The following TEX15 variants were observed in gnomAD, a reference collection of about 807,000 sequenced individuals.
TEX15 encodes the protein testis expressed 15, meiosis and synapsis associated, also known as testis-expressed protein 15.
Under a neutral mutation model 237.3 loss-of-function variants are expected in TEX15, and 171 were observed. That is an observed-to-expected ratio of 0.72 (90% CI 0.64 to 0.82). The LOEUF is 0.82. TEX15 is among the 40% of genes least tolerant of loss of function. The probability of loss-of-function intolerance (pLI) is 0.00; values close to 1 mark genes in which losing one functional copy is unlikely to be tolerated. For missense variants in TEX15, 3,750 were observed against 3,646.5 expected, an observed-to-expected ratio of 1.03 and a Z score of -0.73; for synonymous variants, 1,338 against 1,269.8, an observed-to-expected ratio of 1.05 and a Z score of -1.14.
At position 30,891,639 on chromosome 8, in the gene TEX15, C is replaced by T. The variant is rs1304775239; in HGVS notation, c.-9-4328G>A. ...GGACTACAGGCATGTGCCACCACGCCTGGCTAATTTTTGTAGAGATGAGGG... is the reference window on the plus strand; with the variant it reads ...GGACTACAGGCATGTGCCACCACGCTTGGCTAATTTTTGTAGAGATGAGGG... On this transcript the variant is annotated intron_variant, in intron 2 of 10. Coordinates refer to ENST00000643185, the MANE Select transcript of TEX15 (RefSeq NM_001350162.2). 3.9e-5 allele frequency among the ~76,000 whole-genome samples: 6 copies of T among 151,980 alleles called. 1 individual carries two copies. Among genetic ancestry groups the T allele is most frequent in the African/African-American group, 1.4e-4 (6 of 41,390 alleles).
At chr8:30,868,042 C>T (rs1178793267) in intron 4 of TEX15, among the ~76,000 whole-genome samples, 3 of 151,948 alleles carry the variant, frequency 2.0e-5, no homozygotes, top group African/African-American at 2.4e-5. Flanking sequence ...CGTATCTCTA[C>T]ACATCTATAG....
chr8:30,849,949 C>CGG (rs1477259613), intron 7 of TEX15, among the ~76,000 whole-genome samples: 1 of 152,032 alleles, frequency 6.6e-6, no homozygotes, highest in East Asian at 1.9e-4. Context: ...GGAATAAAAA[C>CGG]ATTTTCCCAA....
Position 30,831,891 on chromosome 8 carries a change from G to A in TEX15, c.*1395C>T, listed in dbSNP as rs1323685291. Reference sequence around the variant, plus strand: ...AGTTAATATTACTGCTTTCAAAGTTGTTCAGGAGTTCTGATTTTGACAGAC... The same window carrying A: ...AGTTAATATTACTGCTTTCAAAGTTATTCAGGAGTTCTGATTTTGACAGAC... On this transcript the variant is annotated 3_prime_UTR_variant, in exon 11 of 11. Coordinates refer to ENST00000643185, the MANE Select transcript of TEX15 (RefSeq NM_001350162.2). The A allele has an allele frequency of 6.6e-6, 1 of 152,194 alleles. No homozygotes were observed. The highest frequency in any genetic ancestry group is 2.4e-5 in the African/African-American group (1 of 41,454). 9.4% of individuals were successfully genotyped at this position (152,194 alleles called of 1,614,324 possible).
chr8:30,867,001 A>C (rs921456769), intron 5 of TEX15, among the ~76,000 whole-genome samples: 3 of 151,844 alleles, frequency 2.0e-5, no homozygotes, highest in Non-Finnish European at 4.4e-5. Context: ...AGGTGGGTAA[A>C]TCAGAACAAA....
At position 30,847,573 on chromosome 8, in the gene TEX15, T is replaced by C. The variant is rs1157976612; in HGVS notation, c.2594A>G (p.Asn865Ser). The change falls in exon 8 of 11, where the codon AAT (asparagine) becomes AGT (serine). Residue 865 changes from asparagine to serine, a missense_variant. Asn to Ser is a conservative substitution (Grantham distance 46, BLOSUM62 1). Transcript: ENST00000643185. ...FKKQTDRENQ[N>S]EAKENSASCV... ...TGAAGCACTATTCTCTTTAGCCTCA[T>C]TTTGGTTTTCTCTATCTGTTTGTTT... 15 of 1,612,756 alleles carry C rather than the reference T, an allele frequency of 9.3e-6. No homozygotes were observed. The highest frequency in any genetic ancestry group is 1.3e-5 in the Non-Finnish European group (15 of 1,179,812).
chr8:30,905,897 C>G (rs1413268309), intron 1 of TEX15, among the ~76,000 whole-genome samples: 1 of 152,032 alleles, frequency 6.6e-6, no homozygotes, highest in Non-Finnish European at 1.5e-5. Context: ...GAGTGACACC[C>G]TGTCTCAAAA....
At position 30,846,448 on chromosome 8, in the gene TEX15, G is replaced by T; in HGVS notation, c.3719C>A (p.Ser1240Tyr). The change falls in exon 8 of 11, where the codon TCT (serine) becomes TAT (tyrosine). Residue 1240 changes from serine to tyrosine, a missense_variant. Coordinates refer to ENST00000643185, the MANE Select transcript of TEX15 (RefSeq NM_001350162.2). The stretch of plus-strand genomic sequence containing the variant: ...ATCTGTATTACGACTCAAGTCAAAA[G>T]AAAGGGAGATTTCAGAGTTACTCAC... Reference protein sequence around the residue: ...GPVSNSEISLSFDLSRNTDVN... With the variant: ...GPVSNSEISLYFDLSRNTDVN... 6.2e-7 allele frequency: 1 copy of T among 1,613,232 alleles called. No homozygotes were observed. Among genetic ancestry groups the T allele is most frequent in the Non-Finnish European group, 8.5e-7 (1 of 1,179,664 alleles).
chr8:30,852,234 T>C (rs1400938918), intron 7 of TEX15, among the ~76,000 whole-genome samples: 1 of 148,810 alleles, frequency 6.7e-6, no homozygotes, highest in Non-Finnish European at 1.5e-5. Context: ...CCTCTCCGAG[T>C]AGCTGGGACT....
In TEX15 at chr8:30,889,848, CTTTATA is replaced by C. The variant is rs1047428119; in HGVS notation, c.-9-2543_-9-2538del. Among the ~76,000 whole-genome samples the C allele has an allele frequency of 7.4e-5, 11 of 149,594 alleles. 1 individual carries two copies. The highest frequency in any genetic ancestry group is 2.5e-4 in the African/African-American group (10 of 40,732). ...TGCTCATGCAACACAGACCTATAAC[CTTTATA>C]TTTATATGTTACATATTACAAATTA... On this transcript the variant is annotated intron_variant, in intron 2 of 10. Transcript: ENST00000643185.
intron 9 of TEX15, among the ~76,000 whole-genome samples, chr8:30,839,057 C>T (rs1807385262): frequency 6.6e-6 from 1 of 151,944 alleles, no homozygotes; most frequent in African/African-American, 2.4e-5. Flanking sequence ...CTCAGGTGAT[C>T]CGCCCGCCTT....
intron 1 of TEX15, among the ~76,000 whole-genome samples, chr8:30,906,799 C>T (rs916210058): frequency 6.6e-6 from 1 of 152,062 alleles, no homozygotes; most frequent in East Asian, 1.9e-4. Flanking sequence ...TCCCATTTTA[C>T]GTATGAAAAT....
rs940250393 is a variant in TEX15, at chr8:30,845,695, C to A, written c.4472G>T (p.Ser1491Ile). 1 of 1,613,546 alleles carries A rather than the reference C, an allele frequency of 6.2e-7. No individual in the cohort carries two copies. Residue 1491 changes from serine (S) to isoleucine (I), a missense_variant, in exon 8 of 11, where the codon AGT (serine) becomes ATT (isoleucine). Coordinates refer to ENST00000643185, the MANE Select transcript of TEX15 (RefSeq NM_001350162.2). ...SGEKKCLSRKSMASSVSKSHP... is the reference protein window; with the variant it reads ...SGEKKCLSRKIMASSVSKSHP... ...ACTTTTTGAGACACTGCTAGCCATA[C>A]TTTTCCTAGAAAGGCATTTTTTCTC... is the stretch of plus-strand genomic sequence containing the variant.
In TEX15 at chr8:30,837,204, G is replaced by T. The variant is rs1252261719; in HGVS notation, c.9080C>A (p.Thr3027Lys). 1.9e-6 allele frequency: 3 copies of T among 1,614,160 alleles called. No individual in the cohort carries two copies. The highest frequency in any genetic ancestry group is 2.5e-6 in the Non-Finnish European group (3 of 1,180,030). ...AAATAAATGCTCAGAAGAATTATAT[G>T]TTGGGTTACATGCAGACTGTGGAAG... The part of the protein sequence containing the change: ...NELPQSACNP[T>K]YNSSEHLFGT... Residue 3027 changes from threonine (T) to lysine (K), a missense_variant, in exon 10 of 11, where the codon ACA becomes AAA. By Grantham distance (78) the Thr-to-Lys change is moderately conservative. Transcript: ENST00000643185.
chr8:30,895,812 C>G (rs754602049), intron 2 of TEX15, among the ~76,000 whole-genome samples: 36 of 150,458 alleles, frequency 2.4e-4, no homozygotes, highest in Non-Finnish European at 4.6e-4. Flanking sequence ...TCCCAAGTAG[C>G]TGGGACTACA....
intron 1 of TEX15, among the ~76,000 whole-genome samples, chr8:30,901,598 A>G (rs1018610561): frequency 6.6e-5 from 10 of 152,236 alleles, no homozygotes; most frequent in African/African-American, 2.2e-4. Context: ...CAGATAAACA[A>G]TATCAACTTA....
chr8:30,893,916 T>TA (rs11418728), intron 2 of TEX15, among the ~76,000 whole-genome samples: 70,118 of 151,930 alleles, frequency 0.46, 21,191 homozygotes, highest in African/African-American at 0.87. Context: ...ATAGAACTTC[T>TA]TTTACCTATG....
Position 30,837,415 on chromosome 8 carries a change from T to G in TEX15, c.8869A>C (p.Thr2957Pro), listed in dbSNP as rs140513668. ...TATTTGTCCTCTGACTCAGTTTCTG[T>G]AGGCTGTAGTTTGTTTATCTGCAGA... is the stretch of plus-strand genomic sequence containing the variant. ...PTLQINKLQP[T>P]ETESEDKYMK... is the part of the protein sequence containing the mutation. The change falls in exon 10 of 11, where the codon ACA becomes CCA. Residue 2957 changes from threonine to proline, a missense_variant. Thr to Pro is a conservative substitution (Grantham distance 38). Coordinates refer to ENST00000643185, the MANE Select transcript of TEX15 (RefSeq NM_001350162.2). 4.6e-5 allele frequency: 74 copies of G among 1,614,066 alleles called. No individual in the cohort carries two copies. The highest frequency in any genetic ancestry group is 6.0e-5 in the Non-Finnish European group (71 of 1,180,026).
rs1356402498 is a variant in TEX15 at position 30,848,813 on chromosome 8, A to C, written c.1354T>G (p.Leu452Val). The C allele has an allele frequency of 3.1e-6, 5 of 1,614,146 alleles. No homozygotes were observed. Among genetic ancestry groups the C allele is most frequent in the Middle Eastern group, 1.6e-4 (1 of 6,062 alleles). ...TTCTCAAATTGCAAAACCTCATTTA[A>C]GCCTGCAGTACTACTCTGTTCTCCC... ...SMGEQSSTAGLNEVLQFEKSS... is the reference protein window; with the variant it reads ...SMGEQSSTAGVNEVLQFEKSS... The change falls in exon 8 of 11, where the codon TTA becomes GTA. Residue 452 changes from leucine to valine, a missense_variant. Physicochemically the swap from Leu to Val is conservative, Grantham distance 32. Transcript: ENST00000643185.
chr8:30,847,983 A>C lies in TEX15; in HGVS notation c.2184T>G (p.Ser728=), dbSNP rs761668817. 1.2e-5 allele frequency: 20 copies of C among 1,613,960 alleles called. 1 individual carries two copies. The South Asian group carries it at 2.1e-4, about 17-fold the overall frequency. Residue 728 remains serine (S), a synonymous_variant, in exon 8 of 11, where the codon TCT becomes TCG. Coordinates refer to ENST00000643185, the MANE Select transcript of TEX15 (RefSeq NM_001350162.2). ...TATGAATGTTACCCTCATACTCCAC[A>C]GAGTGCTGAGGATGCTTTTGTGACA... ...ESLSQKHPQH[S]VEYEGNIHTS...
Sources: gnomAD v4.1 joint callset for allele counts (sites outside exome capture counted in the v4.1 genomes callset) on GRCh38, gnomAD v4.1.1 for gene constraint, MANE v1.5 for transcripts, NCBI Gene and HGNC (gene_info 2026-07-23, HGNC 2026-07-21) for gene names.